Variants in GABRB2 observed in about 807,000 individuals in gnomAD.
GABRB2 encodes gamma-aminobutyric acid receptor subunit beta-2.
In GABRB2, 16 loss-of-function variants were observed where a neutral mutation model predicts 54.7. The observed-to-expected ratio is 0.29, with a 90% CI of 0.20 to 0.44. The LOEUF (loss-of-function observed/expected upper bound fraction) is 0.44. Among genes scored for constraint, GABRB2 ranks in the 20% least tolerant of loss-of-function variants. GABRB2 has a pLI of 1.00. For missense variants in GABRB2, 355 were observed against 644.0 expected (o/e 0.55, Z 4.86); for synonymous variants, 244 against 233.8 (o/e 1.04, Z -0.40).
intron 9 of GABRB2, among the ~76,000 whole-genome samples, chr5:161,317,972 G>A (rs1249017519): frequency 1.3e-5 from 2 of 152,010 alleles, no homozygotes; most frequent in Non-Finnish European, 2.9e-5. Context: ...TGAAGGGAAA[G>A]TGAGAAAGAA....
At chr5:161,304,733 G>T (rs1216551017) in intron 9 of GABRB2, among the ~76,000 whole-genome samples, 1 of 151,824 alleles carries the variant, frequency 6.6e-6, no homozygotes, top group Non-Finnish European at 1.5e-5. Flanking sequence ...GAAGATGAAT[G>T]TTAAATTTTG....
chr5:161,456,382 T>C (rs566130874), intron 4 of GABRB2, among the ~76,000 whole-genome samples: 1 of 152,328 alleles, frequency 6.6e-6, no homozygotes, highest in East Asian at 1.9e-4. Flanking sequence ...GGTTGTTCAT[T>C]AGGGCCTTAT....
At chr5:161,542,918 T>C (rs920140159) in intron 3 of GABRB2, among the ~76,000 whole-genome samples, 3 of 152,244 alleles carry the variant, frequency 2.0e-5, no homozygotes, top group Non-Finnish European at 4.4e-5. Flanking sequence ...ATTTCCCATC[T>C]GTTGCTTCAA....
chr5:161,381,113 A>G (rs1755452774), intron 5 of GABRB2, among the ~76,000 whole-genome samples: 1 of 152,130 alleles, frequency 6.6e-6, no homozygotes, highest in Admixed American at 6.6e-5. Context: ...AGAAAACATG[A>G]GCTTTGGAAT....
At chr5:161,339,591 T>A (rs1328542085) in intron 5 of GABRB2, among the ~76,000 whole-genome samples, 2 of 152,120 alleles carry the variant, frequency 1.3e-5, no homozygotes, top group Admixed American at 1.3e-4. Flanking sequence ...GCAATTAAAA[T>A]AAATGCTGTT....
chr5:161,394,150 T>C (rs965961788), intron 5 of GABRB2, among the ~76,000 whole-genome samples: 2 of 152,012 alleles, frequency 1.3e-5, no homozygotes, highest in African/African-American at 4.8e-5. Context: ...CTAAACTGAT[T>C]GGAAAATATT....
At chr5:161,481,325 G>A (rs1356357141) in intron 3 of GABRB2, among the ~76,000 whole-genome samples, 1 of 152,014 alleles carries the variant, frequency 6.6e-6, no homozygotes. Context: ...ATCAATATGT[G>A]ATCACTATTG....
intron 5 of GABRB2, among the ~76,000 whole-genome samples, chr5:161,389,752 CA>C (rs1417091287): frequency 6.6e-6 from 1 of 151,818 alleles, no homozygotes; most frequent in East Asian, 1.9e-4. Context: ...TTTAATAACT[CA>C]AAAACCTCTA....
intron 3 of GABRB2, among the ~76,000 whole-genome samples, chr5:161,473,371 C>T (rs529991299): frequency 1.2e-4 from 18 of 151,880 alleles, no homozygotes; most frequent in East Asian, 7.8e-4. Context: ...ATCCAAGATG[C>T]GGAAAAAGTG....
At chr5:161,353,492 T>C (rs557409448) in intron 5 of GABRB2, among the ~76,000 whole-genome samples, 5 of 152,104 alleles carry the variant, frequency 3.3e-5, no homozygotes, top group African/African-American at 1.2e-4. Context: ...AGGTCAGTGA[T>C]TTCAAGCTGA....
At chr5:161,330,469 GA>G (rs1163106515) in intron 8 of GABRB2, 1 of 156,660 alleles carries the variant, frequency 6.4e-6, no homozygotes, top group Non-Finnish European at 1.4e-5. Flanking sequence ...GTATAAATTA[GA>G]ACTTAATGAT....
rs73797580 is a variant in GABRB2 at position 161,347,335 on chromosome 5, T to C, written c.542-10566A>G. On this transcript the variant is annotated intron_variant, in intron 5 of 9. Transcript: ENST00000393959. The stretch of plus-strand genomic sequence containing the variant: ...GCTTTAACACTGAAATTCAGTCCCA[T>C]AGTCACTACATTTAACACTTGACAC... Among the ~76,000 whole-genome samples, 603 of 152,246 alleles carry C rather than the reference T, an allele frequency of 4.0e-3. 6 individuals are homozygous for C. Among genetic ancestry groups the C allele is most frequent in the African/African-American group, 0.013 (530 of 41,572 alleles).
At chr5:161,403,811 T>A (rs1756273603) in intron 5 of GABRB2, among the ~76,000 whole-genome samples, 1 of 152,110 alleles carries the variant, frequency 6.6e-6, no homozygotes, top group South Asian at 2.1e-4. Context: ...GTTAGCAATC[T>A]GGAAGATAAG....
intron 5 of GABRB2, among the ~76,000 whole-genome samples, chr5:161,379,256 C>A (rs1755394170): frequency 3.3e-5 from 5 of 152,072 alleles, no homozygotes; most frequent in Admixed American, 3.3e-4. Flanking sequence ...TAAATGCCAA[C>A]AAAAGCAAAA....
At chr5:161,484,193 G>A (rs1758849657) in intron 3 of GABRB2, among the ~76,000 whole-genome samples, 1 of 151,892 alleles carries the variant, frequency 6.6e-6, no homozygotes, top group African/African-American at 2.4e-5. Flanking sequence ...ATTATCACAT[G>A]TACTTTATAA....
chr5:161,306,416 A>G (rs1222663098), intron 9 of GABRB2, among the ~76,000 whole-genome samples: 2 of 152,208 alleles, frequency 1.3e-5, no homozygotes, highest in African/African-American at 4.8e-5. Context: ...ATGTATAGAG[A>G]TATTTTTTTC....
intron 9 of GABRB2, among the ~76,000 whole-genome samples, chr5:161,306,682 G>T (rs1437090701): frequency 6.6e-6 from 1 of 152,090 alleles, no homozygotes; most frequent in Non-Finnish European, 1.5e-5. Context: ...ATCTTGAACT[G>T]AGATGAGTTG....
At chr5:161,522,076 C>T (rs180870649) in intron 3 of GABRB2, among the ~76,000 whole-genome samples, 3 of 151,932 alleles carry the variant, frequency 2.0e-5, no homozygotes, top group Non-Finnish European at 3.0e-5. Context: ...CATTTCCCTA[C>T]GTGCAATCCT....
In GABRB2 at chr5:161,510,127, ACAAT is replaced by A. The variant is rs560023914; in HGVS notation, c.237+35096_237+35099del. Reference sequence around the variant, plus strand: ...CGAGCATTTATCCTTTGTGTTACAAACAATCTAATTATACTCTTTTAGTCATTTA... The same window carrying A: ...CGAGCATTTATCCTTTGTGTTACAAACTAATTATACTCTTTTAGTCATTTA... On this transcript the variant is annotated intron_variant, in intron 3 of 9. Coordinates refer to ENST00000393959, the MANE Select transcript of GABRB2 (RefSeq NM_001371727.1). 1.7e-3 allele frequency among the ~76,000 whole-genome samples: 264 copies of A among 152,040 alleles called. 1 individual carries two copies. The highest frequency in any genetic ancestry group is 6.1e-3 in the African/African-American group (252 of 41,518).
Sources: allele counts gnomAD v4.1 joint callset (sites outside exome capture counted in the v4.1 genomes callset), GRCh38; gene constraint gnomAD v4.1.1; transcripts MANE v1.5; gene names NCBI Gene and HGNC (gene_info 2026-07-23, HGNC 2026-07-21).